Variants in ADGRG2 observed in about 807,000 individuals in gnomAD.
ADGRG2 encodes the protein G protein-coupled receptor 64.
Under a neutral mutation model 74.1 loss-of-function variants are expected in ADGRG2, and 26 were observed. The ratio of observed to expected loss-of-function variants is 0.35; its 90% CI spans 0.26 to 0.49. The LOEUF is 0.49. Ranked by LOEUF, ADGRG2 falls within the 20% of genes least tolerant of loss-of-function variation. The pLI, the probability that ADGRG2 is intolerant of heterozygous loss-of-function variation, is 0.99. For missense variants in ADGRG2, 619 were observed against 763.1 expected (o/e 0.81, Z 2.22); for synonymous variants, 296 against 295.2 (o/e 1.00, Z -0.03).
chrX:19,076,796 C>T (rs185484898), intron 2 of ADGRG2, among the ~76,000 whole-genome samples: 34 of 111,170 alleles, frequency 3.1e-4, no homozygotes, highest in African/African-American at 1.0e-3. Context: ...CTATATAAAA[C>T]AATAACATCT....
intron 19 of ADGRG2, 127 bp from the exon 20 acceptor site, chrX:19,007,484 G>A: frequency 1.7e-6 from 1 of 600,374 alleles, no homozygotes; most frequent in South Asian, 2.9e-5. Flanking sequence ...GGGACAAGGA[G>A]GAAAGTGACT....
chrX:19,013,908 G>C lies in ADGRG2; in HGVS notation c.877C>G (p.Pro293Ala). The C allele has an allele frequency of 8.3e-7, 1 of 1,210,272 alleles. No individual in the cohort carries two copies. The highest frequency in any genetic ancestry group is 3.0e-5 in the East Asian group (1 of 33,808). ...PDYSPVTHNV[P>A]SPIGEIQPLS... Reference sequence around the variant, plus strand: ...GGTTGAATCTCCCCTATTGGAGAGGGAACATTGTGGGTCACAGGTGAATAA... The same window carrying C: ...GGTTGAATCTCCCCTATTGGAGAGGCAACATTGTGGGTCACAGGTGAATAA... The change falls in exon 16 of 29, where the codon CCC (proline) becomes GCC (alanine). Residue 293 changes from proline (P) to alanine (A), a missense_variant. Pro to Ala is a conservative substitution (Grantham distance 27). Around this residue, in one of 3 missense-constraint regions of ADGRG2, gnomAD observed 292 missense variants for 318.0 expected, o/e 0.92. Transcript: ENST00000379869.
Position 19,023,447 on chromosome X carries a change from A to G in ADGRG2, c.517T>C (p.Phe173Leu). The G allele has an allele frequency of 9.1e-7, 1 of 1,100,583 alleles. No individual in the cohort carries two copies. The highest frequency in any genetic ancestry group is 1.2e-6 in the Non-Finnish European group (1 of 806,164). 90.7% of individuals were successfully genotyped at this position (1,100,583 alleles called of 1,213,427 possible). Residue 173 changes from phenylalanine (F) to leucine (L), a missense_variant, in exon 13 of 29, where the codon TTT becomes CTT. Transcript: ENST00000379869. ...GCCTCTGCTGTAGCACACATTATAA[A>G]GTAAGTCTGAAACAAAACAAAAAAC... is the stretch of plus-strand genomic sequence containing the variant. ...KTLQTLSETY[F>L]IMCATAEAQS...
chrX:19,094,845 T>G (rs1362202721), intron 1 of ADGRG2, among the ~76,000 whole-genome samples: 1 of 112,540 alleles, frequency 8.9e-6, no homozygotes, highest in Non-Finnish European at 1.9e-5. Flanking sequence ...GAAACTCCTC[T>G]ATCACCAGGG....
intron 27 of ADGRG2, 137 bp downstream of exon 27, chrX:18,995,914 A>G: frequency 2.4e-6 from 1 of 417,102 alleles, no homozygotes. Context: ...AATGTTCACG[A>G]TCAATATTTT....
intron 26 of ADGRG2, among the ~76,000 whole-genome samples, chrX:18,997,311 T>C (rs1334666401): frequency 1.8e-5 from 2 of 111,945 alleles, no homozygotes; most frequent in East Asian, 5.6e-4. Context: ...TTTCCTTGTA[T>C]AGATGAAACA....
At chrX:19,110,889 TA>T (rs768423916) in intron 1 of ADGRG2, among the ~76,000 whole-genome samples, 1 of 110,873 alleles carries the variant, frequency 9.0e-6, no homozygotes, top group African/African-American at 3.3e-5. Flanking sequence ...CATAGTCCAG[TA>T]GGGAATGACA....
At chrX:19,015,203 G>A (rs1187106619) in intron 15 of ADGRG2, among the ~76,000 whole-genome samples, 2 of 111,846 alleles carry the variant, frequency 1.8e-5, no homozygotes, top group African/African-American at 3.2e-5. Context: ...AGTGTCAGAT[G>A]GAGACTTAGA....
intron 3 of ADGRG2, among the ~76,000 whole-genome samples, chrX:19,044,806 G>C (rs1441636713): frequency 2.7e-5 from 3 of 111,838 alleles, no homozygotes; most frequent in Non-Finnish European, 5.6e-5. Context: ...TTCTCAAAGA[G>C]AGAATGTACA....
chrX:19,013,700 G>A lies in ADGRG2; in HGVS notation c.1085C>T (p.Pro362Leu). The A allele has an allele frequency of 8.4e-7, 1 of 1,192,242 alleles. No individual in the cohort carries two copies. The highest frequency in any genetic ancestry group is 1.9e-5 in the South Asian group (1 of 52,813). The change falls in exon 16 of 29, where the codon CCT (proline) becomes CTT (leucine). Residue 362 changes from proline (P) to leucine (L), a missense_variant. This residue lies in a region of ADGRG2 where 292 missense variants were observed against 318.0 expected (regional missense o/e 0.92). Coordinates refer to ENST00000379869, the MANE Select transcript of ADGRG2 (RefSeq NM_001079858.3). ...GTGACATTTACCTGTCTGGACAGGA[G>A]GTGCGCTGGTAGTGTTGACATTCGC... ...APANVNTTSA[P>L]PVQTDIVNTS...
chrX:19,065,206 A>G (rs748096878), intron 3 of ADGRG2, among the ~76,000 whole-genome samples: 29 of 100,134 alleles, frequency 2.9e-4, no homozygotes, highest in African/African-American at 1.0e-3. Flanking sequence ...GGAGGTTGAG[A>G]CTGCAGTGAG....
Position 19,090,508 on chromosome X carries a change from G to A in ADGRG2, c.-46-7762C>T, listed in dbSNP as rs1488791862. ...AACTACAGGAAACAATGTACTGTGA[G>A]TGGTAAAATGCTTAAATTTCCATTT... On this transcript the variant is annotated intron_variant, in intron 1 of 28. Transcript: ENST00000379869. Among the ~76,000 whole-genome samples, 4 of 111,839 alleles carry A rather than the reference G, an allele frequency of 3.6e-5. No homozygotes were observed. The East Asian group carries it at 1.1e-3, about 31-fold the overall frequency.
intron 1 of ADGRG2, among the ~76,000 whole-genome samples, chrX:19,093,902 TACACACACACACACAC>T (rs61296210): frequency 3.0e-5 from 3 of 100,157 alleles, no homozygotes; most frequent in African/African-American, 1.1e-4. Flanking sequence ...TATGTAGGTA[TACACACACACACACAC>T]ACACACACAC....
chrX:19,010,840 A>C, intron 16 of ADGRG2, 62 bp from the exon 17 acceptor site: 1 of 825,602 alleles, frequency 1.2e-6, no homozygotes, highest in Non-Finnish European at 1.7e-6. Context: ...ATAAAGATAA[A>C]CGTACATAGA....
chrX:19,046,686 T>C (rs1481005524), intron 3 of ADGRG2, among the ~76,000 whole-genome samples: 1 of 111,669 alleles, frequency 9.0e-6, no homozygotes, highest in East Asian at 2.8e-4. Context: ...GCAGGAAGAT[T>C]CTGGAAGAGC....
intron 1 of ADGRG2, among the ~76,000 whole-genome samples, chrX:19,088,489 T>C (rs1292714161): frequency 8.9e-6 from 1 of 112,412 alleles, no homozygotes; most frequent in African/African-American, 3.2e-5. Flanking sequence ...TTTTTGTTTT[T>C]TGTTTGTTTA....
chrX:19,049,438 G>GTGTTTTTTTTTTT (rs1555901662), intron 3 of ADGRG2, among the ~76,000 whole-genome samples: 1 of 82,214 alleles, frequency 1.2e-5, no homozygotes, highest in African/African-American at 5.7e-5. Context: ...CGTTTTTTGT[G>GTGTTTTTTTTTTT]TTTTTTTTTT....
intron 26 of ADGRG2, among the ~76,000 whole-genome samples, chrX:18,996,821 C>G (rs2060027389): frequency 9.0e-6 from 1 of 111,644 alleles, no homozygotes. Context: ...GCTGCCACTC[C>G]CCAAGGCTTT....
intron 1 of ADGRG2, among the ~76,000 whole-genome samples, chrX:19,116,021 G>A (rs1225608966): frequency 9.1e-6 from 1 of 110,351 alleles, no homozygotes; most frequent in Non-Finnish European, 1.9e-5. Flanking sequence ...ACCAGCCTGG[G>A]CAACACAGGG....
Sources: allele counts gnomAD v4.1 joint callset (sites outside exome capture counted in the v4.1 genomes callset), GRCh38; gene constraint gnomAD v4.1.1; regional missense constraint gnomAD v4.1.1; transcripts MANE v1.5; gene names NCBI Gene and HGNC (gene_info 2026-07-23, HGNC 2026-07-21).